TEX9: variants seen among roughly 807,000 people sequenced by gnomAD.
The protein encoded by TEX9 is testis-expressed protein 9.
Under a neutral mutation model 59.6 loss-of-function variants are expected in TEX9, and 74 were observed. The observed-to-expected ratio is 1.24, with a 90% CI of 1.03 to 1.51. The LOEUF is 1.51. Among genes scored for constraint, TEX9 ranks in the 40% most tolerant of loss-of-function variants. The probability of loss-of-function intolerance (pLI) is 0.00; values close to 1 mark genes in which losing one functional copy is unlikely to be tolerated. For synonymous variants in TEX9, 186 were observed against 152.2 expected, an observed-to-expected ratio of 1.22 and a Z score of -1.64; for missense variants, 522 against 447.8, an observed-to-expected ratio of 1.17 and a Z score of -1.49.
chr15:56,319,386 C>T (rs1321392862), intron 1 of TEX9, among the ~76,000 whole-genome samples: 4 of 151,452 alleles, frequency 2.6e-5, no homozygotes, highest in African/African-American at 9.7e-5. Flanking sequence ...AAGACATATA[C>T]ATAAGACAAA....
chr15:56,282,381 C>T (rs1220203208), intron 1 of TEX9, among the ~76,000 whole-genome samples: 5 of 152,074 alleles, frequency 3.3e-5, no homozygotes, highest in Non-Finnish European at 5.9e-5. Flanking sequence ...TTCAAACCCC[C>T]AGTAGATAGC....
chr15:56,433,302 C>T (rs1384554934), intron 12 of TEX9, among the ~76,000 whole-genome samples: 2 of 151,958 alleles, frequency 1.3e-5, no homozygotes, highest in African/African-American at 4.8e-5. Flanking sequence ...GGACAAATAC[C>T]TAATGCATGC....
chr15:56,365,430 A>C, exon 1 of TEX9: 1 of 1,608,484 alleles, frequency 6.2e-7, no homozygotes, highest in Non-Finnish European at 8.5e-7. Flanking sequence ...TGCCTCGGTA[A>C]CCGCGTCGCA....
At chr15:56,431,561 TAAAA>T in intron 12 of TEX9, 1 of 1,545,388 alleles carries the variant, frequency 6.5e-7, no homozygotes, top group Non-Finnish European at 8.9e-7. Flanking sequence ...AGTTTTCAAA[TAAAA>T]CTACTCATGC....
intron 1 of TEX9, among the ~76,000 whole-genome samples, chr15:56,293,135 A>G (rs2045135160): frequency 6.6e-6 from 1 of 152,108 alleles, no homozygotes; most frequent in Non-Finnish European, 1.5e-5. Context: ...AGGAGTTTGA[A>G]GCCAGTGTGG....
At chr15:56,420,369 G>A (rs554779237) in intron 10 of TEX9, among the ~76,000 whole-genome samples, 4 of 150,790 alleles carry the variant, frequency 2.7e-5, no homozygotes, top group Non-Finnish European at 4.4e-5. Context: ...GTGCAGTGGC[G>A]CAAACTTGGC....
intron 4 of TEX9, among the ~76,000 whole-genome samples, chr15:56,384,500 G>C (rs886727209): frequency 6.6e-6 from 1 of 152,178 alleles, no homozygotes; most frequent in African/African-American, 2.4e-5. Flanking sequence ...GTGTCTGGGT[G>C]ACCGTGTGTG....
intron 9 of TEX9, among the ~76,000 whole-genome samples, 157 bp from the exon 10 acceptor site, chr15:56,412,145 C>A (rs534277802): frequency 1.3e-5 from 2 of 151,908 alleles, no homozygotes; most frequent in East Asian, 3.9e-4. Context: ...AGACCTCTAA[C>A]ACTTAGTGTT....
intron 1 of TEX9, 48 bp downstream of exon 1, chr15:56,365,525 A>G (rs374942446): frequency 6.2e-7 from 1 of 1,614,084 alleles, no homozygotes; most frequent in African/African-American, 1.3e-5. Context: ...TCCGGCGACT[A>G]GGACGCCTAA....
At chr15:56,394,798 T>C (rs771163489) in exon 9 of TEX9, 10 of 1,612,808 alleles carry the variant, frequency 6.2e-6, no homozygotes, top group South Asian at 4.4e-5. Flanking sequence ...ACAAAAAGTA[T>C]GATGGATTAC....
intron 12 of TEX9, chr15:56,429,136 A>G (rs147202882): frequency 2.8e-5 from 45 of 1,602,454 alleles, no homozygotes; most frequent in Non-Finnish European, 3.7e-5. Context: ...CTTTGTTGAT[A>G]TACTTTCCTG....
chr15:56,319,013 C>T (rs1227053594), intron 1 of TEX9, among the ~76,000 whole-genome samples: 1 of 151,990 alleles, frequency 6.6e-6, no homozygotes, highest in Admixed American at 6.6e-5. Flanking sequence ...TCTCTGTTTG[C>T]CTAGGTTTAG....
At chr15:56,430,531 G>C (rs971457145) in intron 12 of TEX9, among the ~76,000 whole-genome samples, 1 of 152,158 alleles carries the variant, frequency 6.6e-6, no homozygotes, top group Non-Finnish European at 1.5e-5. Flanking sequence ...TGAAGTCACA[G>C]TGTGTCTCAG....
chr15:56,394,301 C>A, intron 8 of TEX9, 54 bp downstream of exon 8: 3 of 1,384,782 alleles, frequency 2.2e-6, no homozygotes, highest in East Asian at 2.4e-5. Context: ...ATTTTAGGAG[C>A]AATTTCAATT....
At chr15:56,403,761 G>A (rs145408888) in intron 9 of TEX9, among the ~76,000 whole-genome samples, 9,409 of 151,602 alleles carry the variant, frequency 0.062, 710 homozygotes, top group East Asian at 0.37. Flanking sequence ...CCAAAACAGC[G>A]TGGTACTGCT....
the TEX9 span, among the ~76,000 whole-genome samples, chr15:56,451,140 C>A: frequency 5.3e-5 from 8 of 152,110 alleles, no homozygotes; most frequent in Non-Finnish European, 1.0e-4. Context: ...ATCAGAGATA[C>A]AATTTGTTCT....
chr15:56,276,195 A>G (rs1204841074), intron 1 of TEX9, among the ~76,000 whole-genome samples: 2 of 151,474 alleles, frequency 1.3e-5, no homozygotes, highest in Admixed American at 6.6e-5. Context: ...AAGTTCTGGG[A>G]TACATGTGCT....
chr15:56,418,386 C>A (rs1252620958), intron 10 of TEX9, among the ~76,000 whole-genome samples: 1 of 151,570 alleles, frequency 6.6e-6, no homozygotes, highest in Non-Finnish European at 1.5e-5. Context: ...GTAAAGAGTT[C>A]CTTCAACATT....
chr15:56,371,471 T>TC (rs1311684531), intron 2 of TEX9, among the ~76,000 whole-genome samples: 3 of 150,474 alleles, frequency 2.0e-5, no homozygotes, highest in African/African-American at 7.3e-5. Context: ...ATTTTTTTTT[T>TC]CCAAATTAAT....
Sources: gnomAD v4.1 joint callset for allele counts (sites outside exome capture counted in the v4.1 genomes callset) on GRCh38, gnomAD v4.1.1 for gene constraint, MANE v1.5 for transcripts, NCBI Gene and HGNC (gene_info 2026-07-23, HGNC 2026-07-21) for gene names.